Variants in ARHGAP26 observed in about 807,000 individuals in gnomAD.
ARHGAP26 encodes the protein rho GTPase-activating protein 26.
A neutral mutation model predicts 104.8 loss-of-function variants in ARHGAP26; 38 were observed. The ratio of observed to expected loss-of-function variants is 0.36; its 90% confidence interval spans 0.28 to 0.48. ARHGAP26 has a LOEUF of 0.48. Among genes scored for constraint, ARHGAP26 ranks in the 20% least tolerant of loss-of-function variants. The pLI, the probability that ARHGAP26 is intolerant of heterozygous loss-of-function variation, is 0.99. For synonymous variants in ARHGAP26, 341 were observed against 340.0 expected (o/e 1.00, Z -0.03); for missense variants, 704 against 947.9 (o/e 0.74, Z 3.38).
chr5:143,068,488 T>A (rs1471908498), intron 17 of ARHGAP26, among the ~76,000 whole-genome samples: 1 of 152,238 alleles, frequency 6.6e-6, no homozygotes, highest in Non-Finnish European at 1.5e-5. Context: ...CCTAAAGGCA[T>A]TCCCTTTCCT....
chr5:143,050,467 G>A (rs1458151395), intron 14 of ARHGAP26, among the ~76,000 whole-genome samples: 2 of 151,870 alleles, frequency 1.3e-5, no homozygotes, highest in Non-Finnish European at 2.9e-5. Flanking sequence ...CCCACTTACC[G>A]CCGATCCAGC....
At chr5:142,917,657 T>C (rs1478439023) in intron 10 of ARHGAP26, among the ~76,000 whole-genome samples, 1 of 152,146 alleles carries the variant, frequency 6.6e-6, no homozygotes, top group Non-Finnish European at 1.5e-5. Context: ...AGGTGTTCCA[T>C]GAATGGTTTT....
chr5:143,068,092 G>A (rs1019553335), intron 17 of ARHGAP26, among the ~76,000 whole-genome samples: 2 of 152,192 alleles, frequency 1.3e-5, no homozygotes, highest in African/African-American at 4.8e-5. Flanking sequence ...TGAGCCCAGG[G>A]AGGCAGAGGT....
At position 143,071,091 on chromosome 5, in the gene ARHGAP26, C is replaced by T. The variant is rs548157320; in HGVS notation, c.1538+13344C>T. 1.2e-4 allele frequency among the ~76,000 whole-genome samples: 18 copies of T among 152,212 alleles called. No individual in the cohort carries two copies. The South Asian group carries it at 2.5e-3, about 21-fold the overall frequency. ...TACTACAAAGCTGTAGTAACCAAAG[C>T]GGCATGGTACTGGCATAAAAGCAGG... On this transcript the variant is annotated intron_variant, in intron 17 of 22. Coordinates refer to ENST00000645722, the MANE Select transcript of ARHGAP26 (RefSeq NM_001135608.3).
intron 11 of ARHGAP26, among the ~76,000 whole-genome samples, chr5:142,995,365 T>C (rs991417149): frequency 6.6e-6 from 1 of 152,170 alleles, no homozygotes; most frequent in African/African-American, 2.4e-5. Flanking sequence ...ATGGACACTT[T>C]TCAAAAGAAG....
chr5:142,950,532 A>G (rs1768157551), intron 11 of ARHGAP26, among the ~76,000 whole-genome samples: 1 of 152,208 alleles, frequency 6.6e-6, no homozygotes, highest in Middle Eastern at 3.4e-3. Context: ...CACACAAGAA[A>G]TCCTTAAGGT....
intron 20 of ARHGAP26, among the ~76,000 whole-genome samples, chr5:143,190,261 A>T (rs1805752995): frequency 6.6e-6 from 1 of 152,206 alleles, no homozygotes; most frequent in South Asian, 2.1e-4. Context: ...ATTTGCTCAT[A>T]AACAGTTTTA....
chr5:142,838,300 C>T (rs1341472849), intron 1 of ARHGAP26, among the ~76,000 whole-genome samples: 1 of 151,938 alleles, frequency 6.6e-6, no homozygotes, highest in East Asian at 1.9e-4. Context: ...TTGATTGATT[C>T]TGTAGTAATG....
chr5:143,220,470 GAGGGTC>G (rs1233303316), intron 22 of ARHGAP26, among the ~76,000 whole-genome samples: 1 of 152,250 alleles, frequency 6.6e-6, no homozygotes, highest in African/African-American at 2.4e-5. Flanking sequence ...GTAAAGGGAA[GAGGGTC>G]TTGTTGTCAC....
At position 142,880,047 on chromosome 5, in the gene ARHGAP26, C is replaced by CA. The variant is rs368863738; in HGVS notation, c.384+603dup. 2.0e-3 allele frequency among the ~76,000 whole-genome samples: 306 copies of CA among 152,264 alleles called. 3 individuals are homozygous for CA. The highest frequency in any genetic ancestry group is 7.0e-3 in the African/African-American group (290 of 41,544). ...TTTAAAATATATATTACCCATTGTG[C>CA]AGGTCAAAAAATGACATCTGCAGGC... is the stretch of plus-strand genomic sequence containing the variant. On this transcript the variant is annotated intron_variant, in intron 4 of 22. Coordinates refer to ENST00000645722, the MANE Select transcript of ARHGAP26 (RefSeq NM_001135608.3).
chr5:142,898,673 C>T (rs974748344), intron 6 of ARHGAP26, among the ~76,000 whole-genome samples: 1 of 152,192 alleles, frequency 6.6e-6, no homozygotes, highest in African/African-American at 2.4e-5. Flanking sequence ...GTGCTAAGCC[C>T]ATTACATGGA....
At chr5:143,032,466 G>A (rs992118651) in intron 12 of ARHGAP26, among the ~76,000 whole-genome samples, 1 of 152,198 alleles carries the variant, frequency 6.6e-6, no homozygotes, top group African/African-American at 2.4e-5. Flanking sequence ...ATAAATCCCT[G>A]ACCTTTTCTG....
intron 19 of ARHGAP26, among the ~76,000 whole-genome samples, chr5:143,140,241 C>A (rs1301016793): frequency 6.6e-6 from 1 of 152,172 alleles, no homozygotes; most frequent in East Asian, 1.9e-4. Context: ...GGTGGCTTGT[C>A]TTCTGTCATT....
At chr5:142,796,417 C>T (rs573847613) in intron 1 of ARHGAP26, among the ~76,000 whole-genome samples, 1 of 152,298 alleles carries the variant, frequency 6.6e-6, no homozygotes, top group Admixed American at 6.5e-5. Flanking sequence ...CCTACTAGTT[C>T]TGTAGTTCTG....
chr5:143,094,763 AAGAG>A (rs1792048233), intron 17 of ARHGAP26, among the ~76,000 whole-genome samples: 3 of 152,102 alleles, frequency 2.0e-5, no homozygotes, highest in Admixed American at 2.0e-4. Flanking sequence ...GGCTAATTTA[AAGAG>A]AGTGATGGGG....
Position 143,227,732 on chromosome 5 carries a change from GTAT to G in ARHGAP26, c.*5291_*5293del. 4.4e-6 allele frequency: 1 copy of G among 227,274 alleles called. No individual in the cohort carries two copies. Among genetic ancestry groups the G allele is most frequent in the African/African-American group, 2.2e-5 (1 of 45,084 alleles). 14.1% of individuals were successfully genotyped at this position (227,274 alleles called of 1,614,324 possible). A position where few individuals can be genotyped will look rare whatever the true frequency, so the allele number is the denominator to read the frequency against. On this transcript the variant is annotated 3_prime_UTR_variant, in exon 23 of 23. Coordinates refer to ENST00000645722, the MANE Select transcript of ARHGAP26 (RefSeq NM_001135608.3). The stretch of plus-strand genomic sequence containing the variant: ...ATGTGGTCTTCCAGTGGAAGCACCT[GTAT>G]TATTGAGAGGAAAAAGTGTTGGATG...
chr5:142,993,935 G>T (rs1776014644), intron 11 of ARHGAP26, among the ~76,000 whole-genome samples: 1 of 152,188 alleles, frequency 6.6e-6, no homozygotes, highest in South Asian at 2.1e-4. Context: ...TTCCCAAAGT[G>T]CTGGGATTAT....
chr5:142,911,163 C>G (rs988663706), intron 9 of ARHGAP26, among the ~76,000 whole-genome samples: 3 of 152,188 alleles, frequency 2.0e-5, no homozygotes, highest in Non-Finnish European at 4.4e-5. Flanking sequence ...CCTGAGGCAC[C>G]TCTGCAGATC....
chr5:142,783,731 T>TTTTAAA (rs1757981943), intron 1 of ARHGAP26, among the ~76,000 whole-genome samples: 1 of 152,250 alleles, frequency 6.6e-6, no homozygotes, highest in African/African-American at 2.4e-5. Flanking sequence ...CAGGGCTGGA[T>TTTTAAA]GACTGGGCAG....
Sources: allele counts gnomAD v4.1 joint callset (sites outside exome capture counted in the v4.1 genomes callset), GRCh38; gene constraint gnomAD v4.1.1; transcripts MANE v1.5; gene names NCBI Gene and HGNC (gene_info 2026-07-23, HGNC 2026-07-21).